Variants in ZFHX3 observed in about 807,000 individuals in gnomAD.
ZFHX3 encodes zinc finger homeobox 3.
A neutral mutation model predicts 279.1 loss-of-function variants in ZFHX3; 42 were observed. The ratio of observed to expected loss-of-function variants is 0.15; its 90% confidence interval spans 0.12 to 0.19. The LOEUF is 0.19. Among genes scored for constraint, ZFHX3 ranks in the 10% least tolerant of loss-of-function variants. The pLI, the probability that ZFHX3 is intolerant of heterozygous loss-of-function variation, is 1.00. For synonymous variants in ZFHX3, 2,293 were observed against 1,957.8 expected, an observed-to-expected ratio of 1.17 and a Z score of -4.52; for missense variants, 4,981 against 4,754.0, an observed-to-expected ratio of 1.05 and a Z score of -1.40.
chr16:73,842,267 A>G (rs1961330326), intron 1 of ZFHX3, among the ~76,000 whole-genome samples: 1 of 152,018 alleles, frequency 6.6e-6, no homozygotes, highest in South Asian at 2.1e-4. Flanking sequence ...ATTGCAAGCC[A>G]CCTCATCATG....
At chr16:73,650,234 G>T (rs2052657747) in intron 2 of ZFHX3, among the ~76,000 whole-genome samples, 1 of 151,078 alleles carries the variant, frequency 6.6e-6, no homozygotes. Context: ...GATTATCAAA[G>T]ATCTGAAAAC....
At chr16:73,309,249 G>T (rs1397465507) in intron 4 of ZFHX3, among the ~76,000 whole-genome samples, 2 of 152,012 alleles carry the variant, frequency 1.3e-5, no homozygotes, top group Non-Finnish European at 2.9e-5. Context: ...CTCTCAGGTA[G>T]CCCCAGTGTC....
At chr16:73,020,821 G>A (rs892161315) in intron 1 of ZFHX3, among the ~76,000 whole-genome samples, 1 of 152,134 alleles carries the variant, frequency 6.6e-6, no homozygotes, top group Non-Finnish European at 1.5e-5. Context: ...TGAGTAAAAC[G>A]TTATGCAGCA....
chr16:73,058,575 A>ACGG (rs1233966207), exon 1 of ZFHX3: 9 of 182,178 alleles, frequency 4.9e-5, no homozygotes, highest in South Asian at 2.0e-4. Flanking sequence ...GCTGCTGGCG[A>ACGG]CGGCGGCGGC....
intron 1 of ZFHX3, among the ~76,000 whole-genome samples, chr16:73,001,287 C>CGT (rs1247718631): frequency 3.3e-5 from 5 of 152,144 alleles, no homozygotes; most frequent in Non-Finnish European, 7.3e-5. Context: ...TATCAACAAC[C>CGT]GTGTGTGTGA....
chr16:73,231,368 C>A (rs1178945025), intron 5 of ZFHX3, among the ~76,000 whole-genome samples: 2 of 152,170 alleles, frequency 1.3e-5, no homozygotes. Flanking sequence ...AGGGCAAGTG[C>A]AATTCAGGGA....
chr16:73,105,392 CACAT>C (rs763328336), intron 7 of ZFHX3, among the ~76,000 whole-genome samples: 5,848 of 122,680 alleles, frequency 0.048, 266 homozygotes, highest in South Asian at 0.12. Flanking sequence ...TACACACACA[CACAT>C]ATATATATAT....
chr16:73,534,949 T>G (rs150575898), intron 2 of ZFHX3, among the ~76,000 whole-genome samples: 146 of 152,250 alleles, frequency 9.6e-4, no homozygotes, highest in African/African-American at 3.5e-3. Context: ...AGTGCCCTTT[T>G]CACGGGGAGA....
chr16:72,841,409 G>T (rs2037341922), intron 4 of ZFHX3, among the ~76,000 whole-genome samples: 1 of 152,190 alleles, frequency 6.6e-6, no homozygotes, highest in Non-Finnish European at 1.5e-5. Flanking sequence ...AAAGCAGATG[G>T]AATTGCTAAC....
chr16:73,439,004 G>T (rs1402057192), intron 3 of ZFHX3, among the ~76,000 whole-genome samples: 3 of 152,342 alleles, frequency 2.0e-5, no homozygotes, highest in Middle Eastern at 6.8e-3. Flanking sequence ...AAAAAGGAAA[G>T]GATGGAGATT....
At chr16:72,976,809 C>A (rs962356422) in intron 1 of ZFHX3, among the ~76,000 whole-genome samples, 1 of 152,190 alleles carries the variant, frequency 6.6e-6, no homozygotes, top group African/African-American at 2.4e-5. Context: ...CATGGCTGGA[C>A]AAGTGGCACC....
intron 5 of ZFHX3, among the ~76,000 whole-genome samples, chr16:73,255,175 G>A (rs746883167): frequency 2.6e-5 from 4 of 152,146 alleles, no homozygotes; most frequent in Non-Finnish European, 4.4e-5. Flanking sequence ...TATGCTCAAC[G>A]GCTAGGATCA....
At chr16:73,806,180 C>G (rs184666929) in intron 1 of ZFHX3, among the ~76,000 whole-genome samples, 7 of 152,330 alleles carry the variant, frequency 4.6e-5, no homozygotes, top group African/African-American at 1.7e-4. Flanking sequence ...ATTCAATTAT[C>G]TCCATCTGGT....
chr16:73,723,760 A>C (rs2053495810), intron 1 of ZFHX3, among the ~76,000 whole-genome samples: 1 of 152,236 alleles, frequency 6.6e-6, no homozygotes, highest in Non-Finnish European at 1.5e-5. Flanking sequence ...AATGTCTTCA[A>C]ATGTAGGATA....
At chr16:73,417,094 C>T (rs1345180032) in intron 3 of ZFHX3, among the ~76,000 whole-genome samples, 2 of 152,068 alleles carry the variant, frequency 1.3e-5, no homozygotes, top group East Asian at 3.9e-4. Context: ...GTCACCTCTG[C>T]TATTGCTGCC....
chr16:73,730,472 G>A (rs755631231), intron 1 of ZFHX3, among the ~76,000 whole-genome samples: 35 of 151,810 alleles, frequency 2.3e-4, no homozygotes, highest in Non-Finnish European at 2.9e-5. Context: ...TACAAATCCA[G>A]TGCATTGTAC....
chr16:73,790,394 C>A (rs1286775294), intron 1 of ZFHX3, among the ~76,000 whole-genome samples: 1 of 151,588 alleles, frequency 6.6e-6, no homozygotes, highest in Non-Finnish European at 1.5e-5. Flanking sequence ...TACTGGTTTA[C>A]AAAAGTGGGT....
chr16:73,325,928 A>ACAAAC (rs1567451240), intron 3 of ZFHX3, among the ~76,000 whole-genome samples: 6 of 145,492 alleles, frequency 4.1e-5, no homozygotes, highest in African/African-American at 7.5e-5. Context: ...CACACACACA[A>ACAAAC]ACACACACAC....
At chr16:73,389,513 G>A (rs891435711) in intron 3 of ZFHX3, among the ~76,000 whole-genome samples, 4 of 152,150 alleles carry the variant, frequency 2.6e-5, no homozygotes, top group South Asian at 2.1e-4. Context: ...ATTAGAAGGC[G>A]TATTTTAGAT....
Sources: allele counts gnomAD v4.1 joint callset (sites outside exome capture counted in the v4.1 genomes callset), GRCh38; gene constraint gnomAD v4.1.1; transcripts MANE v1.5; gene names NCBI Gene and HGNC (gene_info 2026-07-23, HGNC 2026-07-21).